The following RTKN variants were observed in gnomAD, a reference collection of about 807,000 sequenced individuals.
RTKN encodes the protein rhotekin.
Under a neutral mutation model 63.5 loss-of-function variants are expected in RTKN, and 49 were observed. That is an observed-to-expected ratio of 0.77 (90% CI 0.61 to 0.98). The LOEUF (loss-of-function observed/expected upper bound fraction) is 0.98, where lower values mean the gene tolerates loss of function less well. RTKN is among the 50% of genes least tolerant of loss of function. The probability of loss-of-function intolerance (pLI) is 0.00; values close to 1 mark genes in which losing one functional copy is unlikely to be tolerated. For synonymous variants in RTKN, 295 were observed against 290.4 expected, an observed-to-expected ratio of 1.02 and a Z score of -0.16; for missense variants, 685 against 740.8, an observed-to-expected ratio of 0.92 and a Z score of 0.87.
In RTKN at chr2:74,436,845, TTTCCCCAACCCAGGGATAG is replaced by T; in HGVS notation, c.112-4198_112-4180del. 6.6e-6 allele frequency among the ~76,000 whole-genome samples: 1 copy of T among 152,220 alleles called. No homozygotes were observed. The highest frequency in any genetic ancestry group is 1.5e-5 in the Non-Finnish European group (1 of 67,988). ...GATCTGGACCCTTGTGCTTCTAGCG[TTTCCCCAACCCAGGGATAG>T]TTCCTTGTTGCCCCCTCCCCACCCA... On this transcript the variant is annotated intron_variant, in intron 1 of 11. Coordinates refer to ENST00000272430, the MANE Select transcript of RTKN (RefSeq NM_001015055.2). This position sits in a 1 kb window ranked among gnomAD's most constrained non-coding sequence, Gnocchi z 4.3.
Position 74,428,844 on chromosome 2 carries a change from T to A in RTKN, c.850+4A>T, listed in dbSNP as rs1670574324. ...GTATGTCCCCCATGCACACACATAC[T>A]TACCATGACTGGCAAGGGTGAGGTC... is the stretch of plus-strand genomic sequence containing the variant. On this transcript the variant is annotated splice_donor_region_variant and intron_variant, in intron 7 of 11. Transcript: ENST00000272430. 6.2e-7 allele frequency: 1 copy of A among 1,613,490 alleles called. No individual in the cohort carries two copies. The highest frequency in any genetic ancestry group is 8.5e-7 in the Non-Finnish European group (1 of 1,179,560).
Position 74,430,534 on chromosome 2 carries a change from G to T in RTKN, c.374-16C>A. 2 of 1,614,104 alleles carry T rather than the reference G, an allele frequency of 1.2e-6. No individual in the cohort carries two copies. The highest frequency in any genetic ancestry group is 8.5e-7 in the Non-Finnish European group (1 of 1,179,940). ...ATCCGGAGGTCTAAGGGGCAGAGGG[G>T]TAAGAATAGATGTTGAGATGGGGCA... On this transcript the variant is annotated splice_polypyrimidine_tract_variant and intron_variant, in intron 3 of 11. Transcript: ENST00000272430.
In RTKN at chr2:74,427,190, C is replaced by G; in HGVS notation, c.1339G>C (p.Gly447Arg). ...TTACCCATCTCATGGTACAAGGACC[C>G]CTGCTTTGCCAGTGCTTGGGGTGGT... is the stretch of plus-strand genomic sequence containing the variant. ...RKPPQALAKQ[G>R]SLYHEMAIEP... The change falls in exon 11 of 12, where the codon GGG becomes CGG. Residue 447 changes from glycine to arginine, a missense_variant. Gly to Arg is a moderately radical substitution (Grantham distance 125). Coordinates refer to ENST00000272430, the MANE Select transcript of RTKN (RefSeq NM_001015055.2). 1 of 1,614,080 alleles carries G rather than the reference C, an allele frequency of 6.2e-7. No individual in the cohort carries two copies. The highest frequency in any genetic ancestry group is 1.7e-5 in the Admixed American group (1 of 60,022).
intron 1 of RTKN, among the ~76,000 whole-genome samples, chr2:74,440,982 G>A (rs371648237): frequency 6.6e-6 from 1 of 152,226 alleles, no homozygotes; most frequent in Non-Finnish European, 1.5e-5. Context: ...AAGAGTCTTC[G>A]GGGTAGCTAT....
At chr2:74,438,241 G>C (rs1265948371) in intron 1 of RTKN, among the ~76,000 whole-genome samples, 1 of 152,042 alleles carries the variant, frequency 6.6e-6, no homozygotes, top group Non-Finnish European at 1.5e-5. Flanking sequence ...ACATACCTGG[G>C]AATCATCCTG....
In RTKN at chr2:74,425,874, G is replaced by C. The variant is rs565445404; in HGVS notation, c.*369C>G. On this transcript the variant is annotated 3_prime_UTR_variant, in exon 12 of 12. Transcript: ENST00000272430. Reference sequence around the variant, plus strand: ...AGAGGCACCCTGTCCTCAGGAGCCAGGTGAAGGCTGCTGTTAAATAACTTT... The same window carrying C: ...AGAGGCACCCTGTCCTCAGGAGCCACGTGAAGGCTGCTGTTAAATAACTTT... The C allele has an allele frequency of 8.4e-5, 88 of 1,049,864 alleles. No individual in the cohort carries two copies. The South Asian group carries it at 1.3e-3, about 15-fold the overall frequency. The allele number at this position is 1,049,864 out of a possible 1,614,324, so 65.0% of individuals were successfully genotyped here. A position where few individuals can be genotyped will look rare whatever the true frequency, so the allele number is the denominator to read the frequency against.
Position 74,441,784 on chromosome 2 carries a change from G to A in RTKN, c.33C>T (p.Thr11=). The A allele has an allele frequency of 1.9e-6, 3 of 1,611,712 alleles. No homozygotes were observed. Among genetic ancestry groups the A allele is most frequent in the East Asian group, 2.2e-5 (1 of 44,820 alleles). Residue 11 remains threonine (T), a synonymous_variant, in exon 1 of 12, where the codon ACC becomes ACT. Coordinates refer to ENST00000272430, the MANE Select transcript of RTKN (RefSeq NM_001015055.2). MFSRNHRSRV[T]VARGSALEME... Reference sequence around the variant, plus strand: ...TCTCCAGGGCGGAGCCCCTGGCCACGGTGACCCGGCTCCGGTGGTTTCGGG... The same window carrying A: ...TCTCCAGGGCGGAGCCCCTGGCCACAGTGACCCGGCTCCGGTGGTTTCGGG...
intron 9 of RTKN, chr2:74,427,977 A>C: frequency 2.0e-6 from 1 of 512,474 alleles, no homozygotes; most frequent in Non-Finnish European, 3.5e-6. Flanking sequence ...AGTAGATATA[A>C]ATTGGAATCT....
rs1159424350 is a variant in RTKN, at chr2:74,427,472, C to A, written c.1207G>T (p.Ala403Ser). The change falls in exon 10 of 12, where the codon GCA becomes TCA. Residue 403 changes from alanine (A) to serine (S), a missense_variant. Physicochemically the swap from Ala to Ser is moderately conservative, Grantham distance 99 (BLOSUM62 1). Coordinates refer to ENST00000272430, the MANE Select transcript of RTKN (RefSeq NM_001015055.2). ...THTLQTESREALQSWMEALWQ... is the reference protein window; with the variant it reads ...THTLQTESRESLQSWMEALWQ... ...AGAGCCTCCATCCAGCTCTGCAGTG[C>A]TTCCCGACTTTCTGTCTGAAGGGTG... 1.2e-6 allele frequency: 2 copies of A among 1,614,212 alleles called. No homozygotes were observed. Among genetic ancestry groups the A allele is most frequent in the East Asian group, 4.5e-5 (2 of 44,882 alleles).
Position 74,430,645 on chromosome 2 carries a change from G to A in RTKN, c.344C>T (p.Ser115Phe), listed in dbSNP as rs143724821. 6.2e-7 allele frequency: 1 copy of A among 1,613,602 alleles called. No homozygotes were observed. The highest frequency in any genetic ancestry group is 1.3e-5 in the African/African-American group (1 of 75,022). The change falls in exon 3 of 12, where the codon TCC becomes TTC. Residue 115 changes from serine (S) to phenylalanine (F), a missense_variant. Ser to Phe is a radical substitution (Grantham distance 155). Transcript: ENST00000272430. ...GATGCAGACCCGGCCGCGGCAGGGGGAGCGCTCAGCGGGCGGGCCACTGTC... is the reference window on the plus strand; with the variant it reads ...GATGCAGACCCGGCCGCGGCAGGGGAAGCGCTCAGCGGGCGGGCCACTGTC... ...PSDSGPPAER[S>F]PCRGRVCISD...
At chr2:74,429,242 A>T (rs1285624686) in intron 6 of RTKN, among the ~76,000 whole-genome samples, 1 of 152,128 alleles carries the variant, frequency 6.6e-6, no homozygotes, top group African/African-American at 2.4e-5. Flanking sequence ...TATAGGTGGA[A>T]AGTGGGGGAG....
chr2:74,427,132 C>T (rs746743946), intron 11 of RTKN, 37 bp downstream of exon 11: 1 of 1,588,556 alleles, frequency 6.3e-7, no homozygotes, highest in East Asian at 2.2e-5. Flanking sequence ...ACCCTACTTC[C>T]CATTAGCTTC....
intron 1 of RTKN, among the ~76,000 whole-genome samples, chr2:74,433,131 T>C (rs1670851888): frequency 6.6e-6 from 1 of 151,202 alleles, no homozygotes; most frequent in Non-Finnish European, 1.5e-5. Context: ...TAGTCCCAGC[T>C]ACTTGGGAGG....
chr2:74,439,395 C>A (rs989822066), intron 1 of RTKN, among the ~76,000 whole-genome samples: 1 of 152,238 alleles, frequency 6.6e-6, no homozygotes, highest in African/African-American at 2.4e-5. Context: ...GGTCCACACA[C>A]TGCACCCAAC....
Position 74,432,631 on chromosome 2 carries a change from G to A in RTKN, c.147C>T (p.Ile49=), listed in dbSNP as rs1670823107. Residue 49 remains isoleucine (I), a synonymous_variant, in exon 2 of 12, where the codon ATC becomes ATT. Coordinates refer to ENST00000272430, the MANE Select transcript of RTKN (RefSeq NM_001015055.2). ...TELQRKLDHE[I]RMREGACKLL... is the part of the protein sequence containing the mutation. ...GCTTACAGGCCCCTTCCCTCATCCG[G>A]ATCTCATGGTCTAGCTTCCTCTGCA... 4 of 1,614,086 alleles carry A rather than the reference G, an allele frequency of 2.5e-6. No individual in the cohort carries two copies. The highest frequency in any genetic ancestry group is 1.6e-4 in the Middle Eastern group (1 of 6,084).
chr2:74,434,834 A>C (rs1355894825), intron 1 of RTKN, among the ~76,000 whole-genome samples: 1 of 152,218 alleles, frequency 6.6e-6, no homozygotes, highest in African/African-American at 2.4e-5. Context: ...CAGAATAAGA[A>C]TCTCTAGGAG....
chr2:74,441,661 C>T lies in RTKN; in HGVS notation c.111+45G>A, dbSNP rs757493545. 4 of 1,446,422 alleles carry T rather than the reference C, an allele frequency of 2.8e-6. No homozygotes were observed. In the African/African-American group the frequency reaches 5.6e-5, roughly 20 times the overall value. 89.6% of individuals were successfully genotyped at this position (1,446,422 alleles called of 1,614,324 possible). ...AGGAGGCCGAGGTGGCTGGGGCTGC[C>T]CCCGGGAGCCGCGGAAGGGGAAGGC... On this transcript the variant is annotated intron_variant, in intron 1 of 11. Transcript: ENST00000272430.
At position 74,429,810 on chromosome 2, in the gene RTKN, C is replaced by A; in HGVS notation, c.755+18G>T. 1 of 1,605,894 alleles carries A rather than the reference C, an allele frequency of 6.2e-7. No homozygotes were observed. ...GAATACAGGCAGCTGAGGGTGGTGT[C>A]GGTGTGCAAGGCCTTACCCAACAAC... On this transcript the variant is annotated intron_variant, in intron 6 of 11. Coordinates refer to ENST00000272430, the MANE Select transcript of RTKN (RefSeq NM_001015055.2).
chr2:74,439,540 CG>C, intron 1 of RTKN: 1 of 1,613,962 alleles, frequency 6.2e-7, no homozygotes. Context: ...CTCCAAGGGT[CG>C]GGGGATTACC....
Sources: allele counts gnomAD v4.1 joint callset (sites outside exome capture counted in the v4.1 genomes callset), GRCh38; gene constraint gnomAD v4.1.1; non-coding constraint Gnocchi (gnomAD v3.1); transcripts MANE v1.5; gene names NCBI Gene and HGNC (gene_info 2026-07-23, HGNC 2026-07-21).